PSTPIP1: variants seen among roughly 807,000 people sequenced by gnomAD.
PSTPIP1 encodes proline-serine-threonine phosphatase-interacting protein 1.
Under a neutral mutation model 69.6 loss-of-function variants are expected in PSTPIP1, and 66 were observed. The observed-to-expected ratio is 0.95, with a 90% CI of 0.78 to 1.16. The LOEUF is 1.16. Among genes scored for constraint, PSTPIP1 ranks in the 50% most tolerant of loss-of-function variants. PSTPIP1 has a pLI of 0.00. For synonymous variants in PSTPIP1, 266 were observed against 222.7 expected (o/e 1.19, Z -1.73); for missense variants, 603 against 557.4 (o/e 1.08, Z -0.82).
chr15:77,032,754 C>T (rs2076451809), intron 11 of PSTPIP1, 108 bp from the exon 12 acceptor site: 7 of 949,216 alleles, frequency 7.4e-6, no homozygotes, highest in Non-Finnish European at 7.9e-6. Flanking sequence ...TCCTCAGGCA[C>T]CAGGATGGGC....
Position 77,035,408 on chromosome 15 carries a change from C to G in PSTPIP1, c.930-100C>G. Reference sequence around the variant, plus strand: ...AGGGGCAGTCCCAGCCCTGGCAGAGCGCGTGCAGCTCTGAGACCTCTCCCT... The same window carrying G: ...AGGGGCAGTCCCAGCCCTGGCAGAGGGCGTGCAGCTCTGAGACCTCTCCCT... On this transcript the variant is annotated intron_variant, in intron 12 of 14. Coordinates refer to ENST00000558012, the MANE Select transcript of PSTPIP1 (RefSeq NM_003978.5). 8 of 1,251,684 alleles carry G rather than the reference C, an allele frequency of 6.4e-6. No homozygotes were observed. In the Middle Eastern group the frequency reaches 5.6e-4, roughly 87 times the overall value. The allele number at this position is 1,251,684 out of a possible 1,614,324, so 77.5% of individuals were successfully genotyped here.
intron 1 of PSTPIP1, among the ~76,000 whole-genome samples, chr15:77,001,582 A>G (rs1002657128): frequency 1.3e-5 from 2 of 152,226 alleles, no homozygotes; most frequent in African/African-American, 4.8e-5. Flanking sequence ...GGCCCTGGCC[A>G]TCCTGCCTTT....
chr15:77,033,565 G>A (rs1022691344), intron 12 of PSTPIP1, among the ~76,000 whole-genome samples: 1 of 152,170 alleles, frequency 6.6e-6, no homozygotes, highest in Non-Finnish European at 1.5e-5. Context: ...CTTTGAGGGA[G>A]GCCATGTGCC....
At chr15:77,010,377 T>G (rs139152275) in intron 1 of PSTPIP1, among the ~76,000 whole-genome samples, 1 of 152,338 alleles carries the variant, frequency 6.6e-6, no homozygotes, top group East Asian at 1.9e-4. Flanking sequence ...TCCCTTCCCC[T>G]GAACCTGGAA....
At position 77,032,917 on chromosome 15, in the gene PSTPIP1, C is replaced by T. The variant is rs1199938644; in HGVS notation, c.894C>T (p.Ser298=). The T allele has an allele frequency of 6.2e-7, 1 of 1,605,482 alleles. No homozygotes were observed. The highest frequency in any genetic ancestry group is 1.1e-5 in the South Asian group (1 of 89,622). ...YDREVTPLTS[S]PGIQPSCGMI... The stretch of plus-strand genomic sequence containing the variant: ...GGGAGGTCACCCCGCTGACCAGCAG[C>T]CCTGGCATACAGCCGTCCTGCGGCA... Residue 298 remains serine (S), a synonymous_variant, in exon 12 of 15, where the codon AGC becomes AGT. Transcript: ENST00000558012.
chr15:77,034,453 C>G (rs1350019609), intron 12 of PSTPIP1, among the ~76,000 whole-genome samples: 2 of 152,156 alleles, frequency 1.3e-5, no homozygotes, highest in African/African-American at 2.4e-5. Flanking sequence ...AAAGGCCCCC[C>G]ACATGCCACC....
chr15:77,036,561 A>G (rs1003674832), intron 14 of PSTPIP1, among the ~76,000 whole-genome samples: 5 of 152,154 alleles, frequency 3.3e-5, no homozygotes, highest in Non-Finnish European at 7.4e-5. Flanking sequence ...ACCTGGACTG[A>G]GGCCAAGCAC....
intron 1 of PSTPIP1, among the ~76,000 whole-genome samples, chr15:77,009,279 G>A (rs1450642535): frequency 1.3e-5 from 2 of 152,118 alleles, no homozygotes; most frequent in Admixed American, 6.6e-5. Context: ...GGCTGCAGGG[G>A]TCCCTGCCTT....
In PSTPIP1 at chr15:76,995,464, G is replaced by T. The variant is rs557528832; in HGVS notation, c.-110G>T. The T allele has an allele frequency of 1.4e-4, 219 of 1,582,240 alleles. No homozygotes were observed. In the African/African-American group the frequency reaches 2.5e-3, roughly 18 times the overall value. Reference sequence around the variant, plus strand: ...GTTGCAGACGGCGCCGGCCGGGAAGGGGGGCCTGGGCCAGCCCTGCCAGGA... The same window carrying T: ...GTTGCAGACGGCGCCGGCCGGGAAGTGGGGCCTGGGCCAGCCCTGCCAGGA... On this transcript the variant is annotated 5_prime_UTR_variant, in exon 1 of 15. Coordinates refer to ENST00000558012, the MANE Select transcript of PSTPIP1 (RefSeq NM_003978.5).
intron 1 of PSTPIP1, among the ~76,000 whole-genome samples, chr15:77,011,608 C>T (rs2075935969): frequency 6.6e-6 from 1 of 152,226 alleles, no homozygotes; most frequent in South Asian, 2.1e-4. Context: ...CCTTCTTGGC[C>T]CTCTGTCTTC....
rs772315853 is a variant in PSTPIP1 at position 77,025,576 on chromosome 15, G to A, written c.326G>A (p.Arg109His). Residue 109 changes from arginine (R) to histidine (H), a missense_variant, in exon 5 of 15, where the codon CGT becomes CAT. Physicochemically the swap from Arg to His is conservative, Grantham distance 29. Transcript: ENST00000558012. Reference protein sequence around the residue: ...REELRSLEEFRERQKEQRKKY... With the variant: ...REELRSLEEFHERQKEQRKKY... ...GAGCTGCGGAGTCTCGAGGAGTTTC[G>A]TGAGAGGCAGAAGGAGCAGAGGAAG... 1.4e-5 allele frequency: 22 copies of A among 1,551,096 alleles called. No homozygotes were observed. Among genetic ancestry groups the A allele is most frequent in the East Asian group, 4.9e-5 (2 of 41,018 alleles).
intron 2 of PSTPIP1, 99 bp from the exon 3 acceptor site, chr15:77,018,358 C>G (rs934958588): frequency 1.3e-6 from 2 of 1,533,818 alleles, no homozygotes; most frequent in Admixed American, 2.0e-5. Flanking sequence ...TGTCAGAACA[C>G]GCCCTGCTTT....
chr15:77,028,275 A>G, intron 6 of PSTPIP1: 3 of 471,344 alleles, frequency 6.4e-6, no homozygotes, highest in Non-Finnish European at 7.6e-6. Context: ...GGGCGTGGCG[A>G]GGGGCGTGCC....
intron 11 of PSTPIP1, 57 bp from the exon 12 acceptor site, chr15:77,032,805 C>G (rs1568521555): frequency 6.9e-7 from 1 of 1,445,872 alleles, no homozygotes; most frequent in South Asian, 1.3e-5. Context: ...CTGAGTCTGG[C>G]AGGGCCAGAA....
chr15:77,017,439 C>T (rs2076072824), intron 1 of PSTPIP1, among the ~76,000 whole-genome samples: 1 of 152,194 alleles, frequency 6.6e-6, no homozygotes, highest in Admixed American at 6.5e-5. Flanking sequence ...CCCCACCCCA[C>T]CCCAGTCCAG....
intron 1 of PSTPIP1, among the ~76,000 whole-genome samples, chr15:77,000,502 C>CAT (rs139056263): frequency 6.8e-6 from 1 of 148,138 alleles, no homozygotes; most frequent in African/African-American, 2.6e-5. Flanking sequence ...CACACACACA[C>CAT]ATACACACAC....
rs117490796 is a variant in PSTPIP1 at position 77,016,864 on chromosome 15, G to T, written c.37-1284G>T. On this transcript the variant is annotated intron_variant, in intron 1 of 14. Coordinates refer to ENST00000558012, the MANE Select transcript of PSTPIP1 (RefSeq NM_003978.5). ...TCCCTGTTCCCCTCACACCCCTAAG[G>T]TGGCATTTGAGGGGAGACATGGGTC... Among the ~76,000 whole-genome samples, 5 of 152,282 alleles carry T rather than the reference G, an allele frequency of 3.3e-5. No homozygotes were observed. In the East Asian group the frequency reaches 9.7e-4, roughly 29 times the overall value.
chr15:76,995,595 A>G lies in PSTPIP1; in HGVS notation c.22A>G (p.Lys8Glu), dbSNP rs199800583. The G allele has an allele frequency of 2.5e-6, 4 of 1,613,782 alleles. No homozygotes were observed. In the African/African-American group the frequency reaches 5.3e-5, roughly 22 times the overall value. MMPQLQF[K>E]DAFWCRDFTA... Reference sequence around the variant, plus strand: ...GAGGATGATGCCCCAGCTGCAGTTCAAAGATGCCTTTTGGGTGAGTGAGGA... The same window carrying G: ...GAGGATGATGCCCCAGCTGCAGTTCGAAGATGCCTTTTGGGTGAGTGAGGA... Residue 8 changes from lysine to glutamate, a missense_variant, in exon 1 of 15, where the codon AAA becomes GAA. Coordinates refer to ENST00000558012, the MANE Select transcript of PSTPIP1 (RefSeq NM_003978.5).
rs539799949 is a variant in PSTPIP1 at position 77,003,274 on chromosome 15, C to T, written c.36+7665C>T. Among the ~76,000 whole-genome samples the T allele has an allele frequency of 1.3e-4, 20 of 152,304 alleles. No individual in the cohort carries two copies. In the South Asian group the frequency reaches 4.1e-3, roughly 32 times the overall value. On this transcript the variant is annotated intron_variant, in intron 1 of 14. Coordinates refer to ENST00000558012, the MANE Select transcript of PSTPIP1 (RefSeq NM_003978.5). The stretch of plus-strand genomic sequence containing the variant: ...TGGGTGGAAACCAAGACTGCCTCTG[C>T]TTCCAGCTAGAGAGCATGATGCCCT...
Sources: gnomAD v4.1 joint callset for allele counts (sites outside exome capture counted in the v4.1 genomes callset) on GRCh38, gnomAD v4.1.1 for gene constraint, MANE v1.5 for transcripts, NCBI Gene and HGNC (gene_info 2026-07-23, HGNC 2026-07-21) for gene names.